Variants in ST18 observed in about 807,000 individuals in gnomAD.
The protein encoded by ST18 is suppression of tumorigenicity 18 protein.
Under a neutral mutation model 110.0 loss-of-function variants are expected in ST18, and 50 were observed. The ratio of observed to expected loss-of-function variants is 0.45; its 90% CI spans 0.36 to 0.58. The LOEUF is 0.58. Among genes scored for constraint, ST18 ranks in the 20% least tolerant of loss-of-function variants. ST18 has a pLI of 0.00. For synonymous variants in ST18, 461 were observed against 452.4 expected (o/e 1.02, Z -0.24); for missense variants, 1,306 against 1,280.1 (o/e 1.02, Z -0.31).
intron 6 of ST18, among the ~76,000 whole-genome samples, chr8:52,215,304 C>T (rs1427027648): frequency 3.3e-5 from 5 of 152,102 alleles, no homozygotes; most frequent in Admixed American, 6.5e-5. Flanking sequence ...TTTTATGTGC[C>T]ACACTTTTAC....
intron 9 of ST18, among the ~76,000 whole-genome samples, chr8:52,172,792 G>A (rs1001448844): frequency 6.6e-6 from 1 of 152,044 alleles, no homozygotes; most frequent in Non-Finnish European, 1.5e-5. Context: ...ATCCTCTTAA[G>A]AGAAAACTTA....
At chr8:52,340,441 G>A (rs546071342) in intron 2 of ST18, among the ~76,000 whole-genome samples, 1 of 152,292 alleles carries the variant, frequency 6.6e-6, no homozygotes, top group East Asian at 1.9e-4. Context: ...ATCCAGTGCA[G>A]GAAACTCAGA....
At chr8:52,129,470 AAAAG>A (rs1437674588) in intron 22 of ST18, among the ~76,000 whole-genome samples, 9 of 151,102 alleles carry the variant, frequency 6.0e-5, no homozygotes, top group Non-Finnish European at 1.0e-4. Context: ...AAAAAAAAAA[AAAAG>A]AAAGAAATTC....
At chr8:52,181,324 G>A (rs2069419269) in intron 8 of ST18, among the ~76,000 whole-genome samples, 1 of 152,096 alleles carries the variant, frequency 6.6e-6, no homozygotes, top group African/African-American at 2.4e-5. Context: ...ATAAAGAAAG[G>A]CCTTAAACCA....
intron 5 of ST18, chr8:52,220,458 CA>C (rs1290061237): frequency 6.6e-6 from 1 of 152,128 alleles, no homozygotes; most frequent in African/African-American, 2.4e-5. Context: ...TTTTAACAAT[CA>C]AACTTTCCTT....
intron 2 of ST18, among the ~76,000 whole-genome samples, chr8:52,354,346 G>A (rs766646827): frequency 5.3e-5 from 8 of 152,194 alleles, no homozygotes; most frequent in Non-Finnish European, 8.8e-5. Flanking sequence ...GTAAAGTCAG[G>A]GGGAGTCTTG....
At chr8:52,285,207 A>G (rs1004819751) in intron 2 of ST18, among the ~76,000 whole-genome samples, 3 of 152,180 alleles carry the variant, frequency 2.0e-5, no homozygotes, top group Non-Finnish European at 4.4e-5. Flanking sequence ...ATAAACATGT[A>G]TCCTCATATT....
intron 2 of ST18, among the ~76,000 whole-genome samples, chr8:52,258,840 T>C (rs1030082072): frequency 6.6e-6 from 1 of 152,348 alleles, no homozygotes; most frequent in East Asian, 1.9e-4. Context: ...TAGCATGATA[T>C]TAGCTAATTT....
chr8:52,292,515 A>C (rs1051951320), intron 2 of ST18, among the ~76,000 whole-genome samples: 1 of 152,238 alleles, frequency 6.6e-6, no homozygotes, highest in African/African-American at 2.4e-5. Flanking sequence ...TAATGCCTTA[A>C]GCAGCCTCAG....
At chr8:52,192,930 C>T (rs1563977135) in intron 8 of ST18, among the ~76,000 whole-genome samples, 2 of 152,158 alleles carry the variant, frequency 1.3e-5, no homozygotes, top group Non-Finnish European at 2.9e-5. Flanking sequence ...TGGCAGGAGT[C>T]ACTGACCCTG....
intron 8 of ST18, among the ~76,000 whole-genome samples, chr8:52,211,009 T>C (rs1415686863): frequency 6.6e-6 from 1 of 152,172 alleles, no homozygotes; most frequent in Non-Finnish European, 1.5e-5. Context: ...GAGGAACAAA[T>C]ACAGACCATG....
intron 2 of ST18, among the ~76,000 whole-genome samples, chr8:52,305,081 T>A (rs892694360): frequency 5.9e-5 from 9 of 152,192 alleles, no homozygotes; most frequent in Non-Finnish European, 1.3e-4. Context: ...CATTTAAACA[T>A]AAATAATAGC....
At chr8:52,365,593 A>C (rs1414124869) in intron 2 of ST18, among the ~76,000 whole-genome samples, 1 of 152,132 alleles carries the variant, frequency 6.6e-6, no homozygotes, top group Admixed American at 6.6e-5. Flanking sequence ...TAAAAAAAAA[A>C]ACTTACGTTA....
At chr8:52,130,119 A>AAAGAAAGAAAGAAAGAAAG (rs67888949) in intron 22 of ST18, among the ~76,000 whole-genome samples, 6 of 105,242 alleles carry the variant, frequency 5.7e-5, no homozygotes, top group African/African-American at 1.6e-4. Context: ...AGAAAGAAAG[A>AAAGAAAGAAAGAAAGAAAG]AAAGAAAGAA....
At chr8:52,193,443 A>G (rs1351244911) in intron 8 of ST18, among the ~76,000 whole-genome samples, 4 of 152,222 alleles carry the variant, frequency 2.6e-5, no homozygotes, top group African/African-American at 9.6e-5. Context: ...ACTTGCCTCA[A>G]GGCAGGACCG....
intron 2 of ST18, among the ~76,000 whole-genome samples, chr8:52,288,112 C>T (rs967451859): frequency 1.3e-5 from 2 of 152,186 alleles, no homozygotes; most frequent in Non-Finnish European, 2.9e-5. Context: ...TACTTCATCA[C>T]CCAGCCCTAC....
intron 2 of ST18, among the ~76,000 whole-genome samples, chr8:52,240,711 C>T (rs1439839844): frequency 3.3e-5 from 5 of 152,120 alleles, no homozygotes; most frequent in Admixed American, 1.3e-4. Flanking sequence ...GATTTCCTTT[C>T]TTTTCTTACC....
At chr8:52,315,955 A>C (rs17224553) in intron 2 of ST18, among the ~76,000 whole-genome samples, 6,101 of 152,326 alleles carry the variant, frequency 0.04, 147 homozygotes, top group African/African-American at 0.056. Context: ...CATAATCACT[A>C]TGAGAAGTCT....
intron 2 of ST18, among the ~76,000 whole-genome samples, chr8:52,390,003 T>C (rs1041367856): frequency 3.3e-5 from 5 of 152,070 alleles, no homozygotes; most frequent in Admixed American, 6.5e-5. Flanking sequence ...TTTACCACTT[T>C]CCTCTCTTGT....
Sources: gnomAD v4.1 joint callset for allele counts (sites outside exome capture counted in the v4.1 genomes callset) on GRCh38, gnomAD v4.1.1 for gene constraint, MANE v1.5 for transcripts, NCBI Gene and HGNC (gene_info 2026-07-23, HGNC 2026-07-21) for gene names.